LHFPL3: variants seen among roughly 807,000 people sequenced by gnomAD.
The protein encoded by LHFPL3 is LHFPL tetraspan subfamily member 3 protein.
Under a neutral mutation model 19.3 loss-of-function variants are expected in LHFPL3, and 5 were observed. The observed-to-expected ratio is 0.26, with a 90% CI of 0.14 to 0.54. LHFPL3 has a LOEUF of 0.54. LHFPL3 is among the 20% of genes least tolerant of loss of function. The pLI is 0.94. For synonymous variants in LHFPL3, 133 were observed against 126.2 expected, an observed-to-expected ratio of 1.05 and a Z score of -0.36; for missense variants, 249 against 307.4, an observed-to-expected ratio of 0.81 and a Z score of 1.42.
At chr7:104,534,324 C>A (rs1314441880) in intron 1 of LHFPL3, among the ~76,000 whole-genome samples, 1 of 152,208 alleles carries the variant, frequency 6.6e-6, no homozygotes, top group Non-Finnish European at 1.5e-5. Flanking sequence ...TGAGACAGGG[C>A]TATGACGTCA....
intron 1 of LHFPL3, among the ~76,000 whole-genome samples, chr7:104,600,321 G>T (rs926826369): frequency 6.6e-6 from 1 of 152,190 alleles, no homozygotes; most frequent in African/African-American, 2.4e-5. Flanking sequence ...GAGATACGGA[G>T]CTCTGCTCTG....
chr7:104,818,800 C>T (rs1330401239), intron 2 of LHFPL3, among the ~76,000 whole-genome samples: 2 of 151,886 alleles, frequency 1.3e-5, no homozygotes, highest in Non-Finnish European at 2.9e-5. Context: ...CTCTCTCTCT[C>T]TCACTCACTC....
At chr7:104,904,411 G>A (rs973761835) in intron 2 of LHFPL3, among the ~76,000 whole-genome samples, 7 of 152,188 alleles carry the variant, frequency 4.6e-5, no homozygotes, top group African/African-American at 7.2e-5. Context: ...AACACTTTGG[G>A]AGGCCGAGGC....
rs975700233 is a variant in LHFPL3, at chr7:104,399,456, T to TTTTG, written c.445+70245_445+70248dup. Among the ~76,000 whole-genome samples, 3 of 151,734 alleles carry TTTTG rather than the reference T, an allele frequency of 2.0e-5. No homozygotes were observed. Among genetic ancestry groups the TTTTG allele is most frequent in the African/African-American group, 4.9e-5 (2 of 41,212 alleles). On this transcript the variant is annotated intron_variant, in intron 1 of 2. Transcript: ENST00000424859. This position sits in a 1 kb window ranked among gnomAD's most constrained non-coding sequence, Gnocchi z 4.4. ...TGTTTTTTTTTGTTTTTTAGGTTTT[T>TTTTG]TTTGTTTGTTTGTTTGAGATGGAGT...
chr7:104,877,170 A>G (rs898156998), intron 2 of LHFPL3, among the ~76,000 whole-genome samples: 2 of 152,176 alleles, frequency 1.3e-5, no homozygotes, highest in South Asian at 2.1e-4. Context: ...AGATATACCT[A>G]ATGTTAAATG....
chr7:104,498,335 G>A (rs1272558441), intron 1 of LHFPL3, among the ~76,000 whole-genome samples: 1 of 152,154 alleles, frequency 6.6e-6, no homozygotes. Context: ...CAAACTGTCT[G>A]CAATGAGGCT....
intron 1 of LHFPL3, among the ~76,000 whole-genome samples, chr7:104,352,206 C>T (rs1414833714): frequency 6.6e-6 from 1 of 150,920 alleles, no homozygotes; most frequent in Non-Finnish European, 1.5e-5. Context: ...TTATTCCCTT[C>T]TGTAAATTGC....
intron 1 of LHFPL3, among the ~76,000 whole-genome samples, chr7:104,372,820 C>T (rs925303072): frequency 5.3e-5 from 8 of 151,986 alleles, no homozygotes; most frequent in Admixed American, 1.3e-4. Flanking sequence ...CTGTGTTATT[C>T]GTTGGTTTGC....
At chr7:104,347,859 C>G in intron 1 of LHFPL3, among the ~76,000 whole-genome samples, 2 of 150,356 alleles carry the variant, frequency 1.3e-5, no homozygotes, top group Non-Finnish European at 3.0e-5. Context: ...CCATTACACT[C>G]TAGCCTGGGC....
intron 1 of LHFPL3, among the ~76,000 whole-genome samples, chr7:104,500,979 T>G (rs1175177098): frequency 6.6e-6 from 1 of 152,230 alleles, no homozygotes; most frequent in Non-Finnish European, 1.5e-5. Context: ...CTCTCTAGCT[T>G]AACCTGTATA....
chr7:104,818,733 G>A (rs1316539763), intron 2 of LHFPL3, among the ~76,000 whole-genome samples: 1 of 151,730 alleles, frequency 6.6e-6, no homozygotes, highest in African/African-American at 2.4e-5. Context: ...TAATGTGTTG[G>A]GTTTGAGATT....
intron 1 of LHFPL3, among the ~76,000 whole-genome samples, chr7:104,355,806 A>T (rs150128733): frequency 6.6e-6 from 1 of 152,338 alleles, no homozygotes; most frequent in African/African-American, 2.4e-5. Context: ...CTCTTCCTCC[A>T]CTGGCATCTA....
At chr7:104,346,806 A>G (rs2116379384) in intron 1 of LHFPL3, among the ~76,000 whole-genome samples, 1 of 151,490 alleles carries the variant, frequency 6.6e-6, no homozygotes, top group South Asian at 2.1e-4. Context: ...GTATTAGAGG[A>G]GATATGAAGA....
chr7:104,887,439 G>A (rs1299097905), intron 2 of LHFPL3, among the ~76,000 whole-genome samples: 2 of 152,206 alleles, frequency 1.3e-5, no homozygotes, highest in Non-Finnish European at 2.9e-5. Context: ...TAACTGGAGT[G>A]CAATCCCACT....
At chr7:104,589,991 T>G (rs866721155) in intron 1 of LHFPL3, among the ~76,000 whole-genome samples, 1 of 152,216 alleles carries the variant, frequency 6.6e-6, no homozygotes. Context: ...ATCTATTTGA[T>G]TCTTCTCTCT....
At chr7:104,597,798 G>A (rs1790892248) in intron 1 of LHFPL3, among the ~76,000 whole-genome samples, 1 of 152,110 alleles carries the variant, frequency 6.6e-6, no homozygotes, top group Non-Finnish European at 1.5e-5. Flanking sequence ...CATAGAAAAT[G>A]TGAATTATGA....
chr7:104,788,553 T>C (rs558073248), intron 2 of LHFPL3, among the ~76,000 whole-genome samples: 3 of 152,204 alleles, frequency 2.0e-5, no homozygotes, highest in Non-Finnish European at 4.4e-5. Flanking sequence ...TGTGAGAAGA[T>C]AGACTGAGTC....
chr7:104,523,651 A>G (rs1428635998), intron 1 of LHFPL3, among the ~76,000 whole-genome samples: 2 of 152,190 alleles, frequency 1.3e-5, no homozygotes, highest in East Asian at 3.9e-4. Context: ...ATAGAAATAC[A>G]TGATGCATGC....
intron 1 of LHFPL3, among the ~76,000 whole-genome samples, chr7:104,558,639 C>T (rs904271093): frequency 1.3e-5 from 2 of 150,944 alleles, no homozygotes; most frequent in Admixed American, 1.3e-4. Flanking sequence ...TGCCTGTTCA[C>T]TCTGATGGTA....
Sources: allele counts gnomAD v4.1 joint callset (sites outside exome capture counted in the v4.1 genomes callset), GRCh38; gene constraint gnomAD v4.1.1; non-coding constraint Gnocchi (gnomAD v3.1); transcripts MANE v1.5; gene names NCBI Gene and HGNC (gene_info 2026-07-23, HGNC 2026-07-21).